Variants in BMAL2 observed in about 807,000 individuals in gnomAD.
The protein encoded by BMAL2 is basic helix-loop-helix ARNT like 2, also known as basic helix-loop-helix ARNT-like protein 2.
At chr12:27,402,984 G>A in the BMAL2 span, among the ~76,000 whole-genome samples, 1 of 152,126 alleles carries the variant, frequency 6.6e-6, no homozygotes, top group African/African-American at 2.4e-5. Context: ...CTTTCCAGTA[G>A]ACAGTTCTTT....
At chr12:27,342,976 TCTTAGA>T in the BMAL2 span, among the ~76,000 whole-genome samples, 1 of 152,254 alleles carries the variant, frequency 6.6e-6, no homozygotes, top group Admixed American at 6.5e-5. Flanking sequence ...AACAGCCTGA[TCTTAGA>T]GGGATGTTCA....
chr12:27,341,563 A>G, the BMAL2 span, among the ~76,000 whole-genome samples: 1 of 152,228 alleles, frequency 6.6e-6, no homozygotes, highest in Non-Finnish European at 1.5e-5. Context: ...TCTGAAAAGC[A>G]TAAGTACTAT....
At chr12:27,368,716 A>G in the BMAL2 span, among the ~76,000 whole-genome samples, 120 of 152,330 alleles carry the variant, frequency 7.9e-4, 1 homozygote, top group South Asian at 1.5e-3. Context: ...ACTTATAAAC[A>G]TGAGGAAAAC....
At chr12:27,365,931 TTATTA>T in the BMAL2 span, among the ~76,000 whole-genome samples, 1 of 151,884 alleles carries the variant, frequency 6.6e-6, no homozygotes, top group Non-Finnish European at 1.5e-5. Context: ...AATTATTTAC[TTATTA>T]TATTTCAATT....
chr12:27,370,533 G>GA, the BMAL2 span, among the ~76,000 whole-genome samples: 10 of 152,170 alleles, frequency 6.6e-5, no homozygotes, highest in Admixed American at 4.6e-4. Context: ...TTTTAAAAAG[G>GA]AAAAATATAT....
At chr12:27,363,785 G>A in the BMAL2 span, among the ~76,000 whole-genome samples, 1 of 152,022 alleles carries the variant, frequency 6.6e-6, no homozygotes, top group Non-Finnish European at 1.5e-5. Flanking sequence ...TCTTTGTAGT[G>A]TCTTTCAATC....
the BMAL2 span, among the ~76,000 whole-genome samples, chr12:27,350,432 T>C: frequency 6.6e-6 from 1 of 152,196 alleles, no homozygotes; most frequent in Non-Finnish European, 1.5e-5. Flanking sequence ...CAGCCTGGGA[T>C]CTTGCATTTG....
At chr12:27,360,051 TAAAA>T in the BMAL2 span, among the ~76,000 whole-genome samples, 2 of 115,248 alleles carry the variant, frequency 1.7e-5, no homozygotes, top group Middle Eastern at 4.2e-3. Flanking sequence ...AGACCCTATT[TAAAA>T]AAAAAAAAAA....
At chr12:27,349,774 T>C in the BMAL2 span, among the ~76,000 whole-genome samples, 1 of 152,306 alleles carries the variant, frequency 6.6e-6, no homozygotes, top group East Asian at 1.9e-4. Context: ...CTGGTCTTTA[T>C]TCTAACTTCT....
chr12:27,379,161 G>T, the BMAL2 span, among the ~76,000 whole-genome samples: 3 of 152,172 alleles, frequency 2.0e-5, no homozygotes, highest in African/African-American at 7.2e-5. Context: ...TACCTACCAA[G>T]ATAAACCCTA....
chr12:27,357,834 T>G, the BMAL2 span, among the ~76,000 whole-genome samples: 1 of 152,166 alleles, frequency 6.6e-6, no homozygotes, highest in Non-Finnish European at 1.5e-5. Context: ...AACTGGATTT[T>G]CATCTCTCAC....
the BMAL2 span, among the ~76,000 whole-genome samples, chr12:27,375,255 A>G: frequency 6.6e-6 from 1 of 152,204 alleles, no homozygotes; most frequent in Non-Finnish European, 1.5e-5. Flanking sequence ...TTCAAGATGC[A>G]CACACCACAA....
chr12:27,382,955 T>A, the BMAL2 span, among the ~76,000 whole-genome samples: 1 of 152,350 alleles, frequency 6.6e-6, no homozygotes, highest in East Asian at 1.9e-4. Flanking sequence ...TATAAAAGCC[T>A]CTAAATACTT....
chr12:27,386,046 G>A, the BMAL2 span, among the ~76,000 whole-genome samples: 19 of 152,098 alleles, frequency 1.2e-4, no homozygotes, highest in Non-Finnish European at 1.8e-4. Flanking sequence ...TCATGCCCTC[G>A]GAGGTGATAA....
At chr12:27,381,933 C>T in the BMAL2 span, among the ~76,000 whole-genome samples, 28 of 152,244 alleles carry the variant, frequency 1.8e-4, 1 homozygote, top group Admixed American at 1.2e-3. Context: ...TAGTTTAGAT[C>T]TCAAACACTG....
At chr12:27,373,410 T>C in the BMAL2 span, among the ~76,000 whole-genome samples, 4 of 152,060 alleles carry the variant, frequency 2.6e-5, no homozygotes, top group Non-Finnish European at 4.4e-5. Flanking sequence ...AAGTTGGAAA[T>C]GAGGATTTGG....
chr12:27,342,239 G>A, the BMAL2 span, among the ~76,000 whole-genome samples: 28 of 152,274 alleles, frequency 1.8e-4, no homozygotes, highest in African/African-American at 6.0e-4. Context: ...CACCCAGCCA[G>A]TTGTTCTTAT....
chr12:27,350,879 T>C, the BMAL2 span, among the ~76,000 whole-genome samples: 1 of 151,946 alleles, frequency 6.6e-6, no homozygotes, highest in African/African-American at 2.4e-5. Flanking sequence ...AGGAGTTCAC[T>C]GTGTTGGCCA....
chr12:27,424,588 GC>G, the BMAL2 span: 1 of 152,200 alleles, frequency 6.6e-6, no homozygotes, highest in Non-Finnish European at 1.5e-5. Flanking sequence ...AAAATCTGGG[GC>G]ACAGGTACAA....
Sources: allele counts gnomAD v4.1 joint callset (sites outside exome capture counted in the v4.1 genomes callset), GRCh38; gene constraint gnomAD v4.1.1; transcripts MANE v1.5; gene names NCBI Gene and HGNC (gene_info 2026-07-23, HGNC 2026-07-21).